Variants in COL13A1 observed in about 807,000 individuals in gnomAD.
COL13A1 encodes collagen alpha-1(XIII) chain.
A neutral mutation model predicts 130.9 loss-of-function variants in COL13A1; 89 were observed. The observed-to-expected ratio is 0.68, with a 90% confidence interval of 0.57 to 0.81. The LOEUF is 0.81. COL13A1 is among the 30% of genes least tolerant of loss of function. The pLI is 0.00. For synonymous variants in COL13A1, 402 were observed against 341.6 expected (o/e 1.18, Z -1.95); for missense variants, 879 against 934.6 (o/e 0.94, Z 0.78).
At chr10:69,841,763 T>C (rs1322963325) in intron 2 of COL13A1, among the ~76,000 whole-genome samples, 4 of 152,062 alleles carry the variant, frequency 2.6e-5, no homozygotes, top group Admixed American at 2.6e-4. Flanking sequence ...GGAGTAGGAA[T>C]TGACCAGGTA....
chr10:69,937,678 A>G lies in COL13A1; in HGVS notation c.1841A>G (p.Gln614Arg). The change falls in exon 34 of 41, where the codon CAG becomes CGG. Residue 614 changes from glutamine (Q) to arginine (R), a missense_variant. Gln to Arg is a conservative substitution (Grantham distance 43). Around this residue, in one of 3 missense-constraint regions of COL13A1, gnomAD observed 96 missense variants for 147.7 expected, o/e 0.65. Transcript: ENST00000645393. ...GGAGCAAAAGGAGAGAAAGGCTTCCAGGGAGAAAAAGGAGACCGTGGTCCC... is the reference window on the plus strand; with the variant it reads ...GGAGCAAAAGGAGAGAAAGGCTTCCGGGGAGAAAAAGGAGACCGTGGTCCC... ...LDGAKGEKGF[Q>R]GEKGDRGPLG... 1 of 1,588,430 alleles carries G rather than the reference A, an allele frequency of 6.3e-7. No homozygotes were observed. Among genetic ancestry groups the G allele is most frequent in the Non-Finnish European group, 8.6e-7 (1 of 1,156,654 alleles).
intron 3 of COL13A1, among the ~76,000 whole-genome samples, chr10:69,870,629 G>T (rs1180599693): frequency 2.0e-5 from 3 of 151,958 alleles, no homozygotes; most frequent in African/African-American, 7.3e-5. Flanking sequence ...ATGATTTTGT[G>T]CATTTTTATT....
chr10:69,887,318 C>T (rs952270365), intron 7 of COL13A1, 138 bp from the exon 8 acceptor site: 4 of 810,554 alleles, frequency 4.9e-6, no homozygotes, highest in Admixed American at 2.3e-5. Flanking sequence ...CCTCCCAACC[C>T]ACTAACCACA....
At chr10:69,924,617 G>T (rs1225298281) in intron 24 of COL13A1, among the ~76,000 whole-genome samples, 1 of 152,106 alleles carries the variant, frequency 6.6e-6, no homozygotes, top group African/African-American at 2.4e-5. Flanking sequence ...CTGGATACCT[G>T]AGCAGGATGG....
chr10:69,929,929 G>T, intron 28 of COL13A1, 114 bp from the exon 29 acceptor site: 1 of 877,682 alleles, frequency 1.1e-6, no homozygotes, highest in South Asian at 1.5e-5. Context: ...AGAATTAAAT[G>T]AGCAAACTCT....
At chr10:69,805,378 G>T (rs1340645717) in intron 1 of COL13A1, among the ~76,000 whole-genome samples, 2 of 152,158 alleles carry the variant, frequency 1.3e-5, no homozygotes, top group African/African-American at 2.4e-5. Flanking sequence ...AGATGCTGGA[G>T]CCAGAGGAAG....
At position 69,928,992 on chromosome 10, in the gene COL13A1, G is replaced by A; in HGVS notation, c.1478G>A (p.Gly493Asp). The A allele has an allele frequency of 1.2e-6, 2 of 1,613,066 alleles. No homozygotes were observed. Among genetic ancestry groups the A allele is most frequent in the Non-Finnish European group, 1.7e-6 (2 of 1,179,450 alleles). The part of the protein sequence containing the change: ...IGPPGAPGIP[G>D]QKGEIGLPGP... ...CCACCTGGAGCTCCAGGGATTCCAG[G>A]CCAGAAGGTAAATCTTATCTTGACA... Residue 493 changes from glycine to aspartate, a missense_variant, in exon 28 of 41, where the codon GGC becomes GAC. This residue lies in a region of COL13A1 where 715 missense variants were observed against 721.0 expected (regional missense o/e 0.99). Coordinates refer to ENST00000645393, the MANE Select transcript of COL13A1 (RefSeq NM_001368882.1).
chr10:69,935,251 C>G (rs1301369656), intron 31 of COL13A1, 99 bp from the exon 32 acceptor site: 2 of 1,039,368 alleles, frequency 1.9e-6, no homozygotes, highest in Admixed American at 4.1e-5. Context: ...CAGTGGGCAG[C>G]CATGTCCTCC....
intron 31 of COL13A1, among the ~76,000 whole-genome samples, chr10:69,933,584 A>G (rs1589620690): frequency 6.6e-6 from 1 of 152,166 alleles, no homozygotes; most frequent in Admixed American, 6.5e-5. Flanking sequence ...AGTCCCCATC[A>G]GGGTGGGTTC....
intron 14 of COL13A1, among the ~76,000 whole-genome samples, chr10:69,900,851 A>G (rs1227738): frequency 0.99 from 151,426 of 152,302 alleles, 75,280 homozygotes; most frequent in Middle Eastern, 1. Context: ...CTTTGATCAG[A>G]GAATTCAACT....
rs976526147 is a variant in COL13A1, at chr10:69,914,832, C to T, written c.922-2457C>T. On this transcript the variant is annotated intron_variant, in intron 17 of 40. Transcript: ENST00000645393. ...ACTTCAGATGAGGTACTGTCACGCC[C>T]TCTGCTGGCCACAGAGCGGCTGTGC... Among the ~76,000 whole-genome samples the T allele has an allele frequency of 1.3e-5, 2 of 152,356 alleles. 1 individual carries two copies. The highest frequency in any genetic ancestry group is 4.1e-4 in the South Asian group (2 of 4,828).
intron 22 of COL13A1, 127 bp from the exon 23 acceptor site, chr10:69,922,581 T>A (rs1042791705): frequency 1.8e-6 from 1 of 561,376 alleles, no homozygotes; most frequent in Non-Finnish European, 3.0e-6. Flanking sequence ...CTGGATCAGA[T>A]AAATCTGGGA....
Position 69,904,835 on chromosome 10 carries a change from G to C in COL13A1, c.859-98G>C, listed in dbSNP as rs921209138. 51 of 1,300,496 alleles carry C rather than the reference G, an allele frequency of 3.9e-5. No homozygotes were observed. In the African/African-American group the frequency reaches 6.1e-4, roughly 16 times the overall value. 80.6% of individuals were successfully genotyped at this position (1,300,496 alleles called of 1,614,324 possible). The stretch of plus-strand genomic sequence containing the variant: ...TATTCTCTTGCCATAGCTATTGGGA[G>C]CTGCTCTGCCCCTAGGGTCTACTGT... On this transcript the variant is annotated intron_variant, in intron 15 of 40. Transcript: ENST00000645393.
intron 2 of COL13A1, among the ~76,000 whole-genome samples, chr10:69,826,072 A>T (rs1847414910): frequency 6.6e-6 from 1 of 152,192 alleles, no homozygotes; most frequent in African/African-American, 2.4e-5. Flanking sequence ...TATACATACC[A>T]TGAGACTTCC....
chr10:69,906,669 ACTT>A (rs985362885), intron 17 of COL13A1, among the ~76,000 whole-genome samples: 1 of 152,050 alleles, frequency 6.6e-6, no homozygotes, highest in Non-Finnish European at 1.5e-5. Flanking sequence ...CTTAGGCTCT[ACTT>A]CTTCACTGGA....
At chr10:69,886,282 G>A (rs1424080909) in intron 7 of COL13A1, among the ~76,000 whole-genome samples, 1 of 152,218 alleles carries the variant, frequency 6.6e-6, no homozygotes, top group Non-Finnish European at 1.5e-5. Context: ...AATGTAATTT[G>A]ATGATCCTAT....
At position 69,889,405 on chromosome 10, in the gene COL13A1, T is replaced by C; in HGVS notation, c.577-9T>C. 6.2e-7 allele frequency: 1 copy of C among 1,610,600 alleles called. No individual in the cohort carries two copies. The highest frequency in any genetic ancestry group is 1.1e-5 in the South Asian group (1 of 89,986). On this transcript the variant is annotated splice_polypyrimidine_tract_variant and intron_variant, in intron 9 of 40. Coordinates refer to ENST00000645393, the MANE Select transcript of COL13A1 (RefSeq NM_001368882.1). ...AGTGCACCTGGTACTCACCCTCTTCTCCTTCCAGGGCCACCCAGGACCAAA... is the reference window on the plus strand; with the variant it reads ...AGTGCACCTGGTACTCACCCTCTTCCCCTTCCAGGGCCACCCAGGACCAAA...
At chr10:69,804,780 A>G (rs527329269) in intron 1 of COL13A1, among the ~76,000 whole-genome samples, 1 of 139,752 alleles carries the variant, frequency 7.2e-6, no homozygotes, top group Non-Finnish European at 1.5e-5. Context: ...GTGCACAAAG[A>G]AGAAAATGGG....
chr10:69,946,659 G>A (rs2068585051), intron 37 of COL13A1, among the ~76,000 whole-genome samples: 1 of 152,200 alleles, frequency 6.6e-6, no homozygotes, highest in Admixed American at 6.5e-5. Flanking sequence ...CCTCTGCCTA[G>A]AGCATTCCTG....
Sources: gnomAD v4.1 joint callset for allele counts (sites outside exome capture counted in the v4.1 genomes callset) on GRCh38, gnomAD v4.1.1 for gene constraint, gnomAD v4.1.1 regional missense constraint, MANE v1.5 for transcripts, NCBI Gene and HGNC (gene_info 2026-07-23, HGNC 2026-07-21) for gene names.